Variants in SPHKAP observed in about 807,000 individuals in gnomAD.
SPHKAP encodes the protein A-kinase anchor protein SPHKAP.
In SPHKAP, 67 loss-of-function variants were observed where a neutral mutation model predicts 137.5. That is an observed-to-expected ratio of 0.49 (90% CI 0.40 to 0.60). The LOEUF (loss-of-function observed/expected upper bound fraction) is 0.60, where lower values mean the gene tolerates loss of function less well. Ranked by LOEUF, SPHKAP falls within the 20% of genes least tolerant of loss-of-function variation. SPHKAP has a pLI of 0.00. For synonymous variants in SPHKAP, 813 were observed against 785.3 expected (o/e 1.04, Z -0.59); for missense variants, 2,097 against 2,069.3 (o/e 1.01, Z -0.26).
At chr2:228,149,285 T>A (rs1187744099) in intron 1 of SPHKAP, among the ~76,000 whole-genome samples, 1 of 152,210 alleles carries the variant, frequency 6.6e-6, no homozygotes, top group African/African-American at 2.4e-5. Context: ...ATCATGCAGA[T>A]CAATAGGATA....
At chr2:228,032,255 T>C (rs1226293196) in intron 3 of SPHKAP, among the ~76,000 whole-genome samples, 1 of 152,074 alleles carries the variant, frequency 6.6e-6, no homozygotes. Context: ...AAGGAGCTGA[T>C]GCGATCAACT....
Position 227,995,710 on chromosome 2 carries a change from T to A in SPHKAP, c.4449-16A>T. 6.4e-7 allele frequency: 1 copy of A among 1,551,946 alleles called. No individual in the cohort carries two copies. ...AAGGCTGTCACTGTAGAGGGCAAGA[T>A]ATTATTACCAAGAGAGGCAGCACAC... On this transcript the variant is annotated splice_polypyrimidine_tract_variant and intron_variant, in intron 7 of 11. Coordinates refer to ENST00000392056, the MANE Select transcript of SPHKAP (RefSeq NM_001142644.2).
At chr2:228,070,308 G>T (rs1475905222) in intron 3 of SPHKAP, among the ~76,000 whole-genome samples, 1 of 152,164 alleles carries the variant, frequency 6.6e-6, no homozygotes, top group Non-Finnish European at 1.5e-5. Flanking sequence ...GGAGGAAGAG[G>T]AAGTGTTGGT....
intron 3 of SPHKAP, among the ~76,000 whole-genome samples, chr2:228,062,778 C>A (rs1696698096): frequency 6.6e-6 from 1 of 152,008 alleles, no homozygotes; most frequent in Non-Finnish European, 1.5e-5. Context: ...AAGAACCATA[C>A]AGGTATAAAG....
chr2:228,166,174 G>A (rs1700417895), intron 1 of SPHKAP, among the ~76,000 whole-genome samples: 1 of 152,078 alleles, frequency 6.6e-6, no homozygotes, highest in East Asian at 1.9e-4. Context: ...TTTATGAGGT[G>A]TTTATGATCT....
intron 2 of SPHKAP, among the ~76,000 whole-genome samples, chr2:228,123,688 G>A (rs1422427627): frequency 6.6e-6 from 1 of 152,120 alleles, no homozygotes; most frequent in African/African-American, 2.4e-5. Flanking sequence ...TAGGTTGCCT[G>A]TTCACTCTGA....
Position 228,151,715 on chromosome 2 carries a change from G to T in SPHKAP, c.33-19630C>A, listed in dbSNP as rs141321592. Among the ~76,000 whole-genome samples the T allele has an allele frequency of 9.7e-3, 1,476 of 152,116 alleles. 14 individuals are homozygous for T. The highest frequency in any genetic ancestry group is 0.034 in the African/African-American group (1,404 of 41,528). ...GTGATGGGATCTCATTCTGTTGCAAGGCTGGTTATTTTTTCTTGTATTAAT... is the reference window on the plus strand; with the variant it reads ...GTGATGGGATCTCATTCTGTTGCAATGCTGGTTATTTTTTCTTGTATTAAT... On this transcript the variant is annotated intron_variant, in intron 1 of 11. Transcript: ENST00000392056.
intron 1 of SPHKAP, among the ~76,000 whole-genome samples, chr2:228,148,394 TAC>T (rs956841796): frequency 6.6e-6 from 1 of 152,162 alleles, no homozygotes; most frequent in Non-Finnish European, 1.5e-5. Context: ...CCTAATTCCT[TAC>T]AGTCATCTAA....
intron 3 of SPHKAP, among the ~76,000 whole-genome samples, chr2:228,044,570 G>T (rs1255831852): frequency 6.6e-6 from 1 of 152,068 alleles, no homozygotes; most frequent in Non-Finnish European, 1.5e-5. Flanking sequence ...GTGTTGAGAG[G>T]TAACTCACTT....
chr2:227,993,457 C>A, intron 9 of SPHKAP, 77 bp downstream of exon 9: 1 of 1,351,642 alleles, frequency 7.4e-7, no homozygotes, highest in Non-Finnish European at 1.0e-6. Context: ...TTGGGCACAA[C>A]CTGAATGATC....
chr2:228,011,948 T>C (rs575603688), intron 7 of SPHKAP, among the ~76,000 whole-genome samples: 1 of 152,128 alleles, frequency 6.6e-6, no homozygotes, highest in African/African-American at 2.4e-5. Flanking sequence ...GCAGGATCAC[T>C]TGAGCCCAGG....
At chr2:228,109,013 T>C (rs1416667651) in intron 2 of SPHKAP, 74 bp from the exon 3 acceptor site, 1 of 1,026,614 alleles carries the variant, frequency 9.7e-7, no homozygotes, top group Non-Finnish European at 1.4e-6. Flanking sequence ...CTCTCTTTTT[T>C]TTTTTTCTTA....
intron 3 of SPHKAP, among the ~76,000 whole-genome samples, chr2:228,067,074 T>C (rs933147283): frequency 2.0e-5 from 3 of 152,208 alleles, no homozygotes; most frequent in Non-Finnish European, 4.4e-5. Context: ...ATCCCAAGAA[T>C]ATATGTTGAA....
intron 3 of SPHKAP, among the ~76,000 whole-genome samples, 194 bp downstream of exon 3, chr2:228,108,638 G>T (rs1364621418): frequency 6.6e-6 from 1 of 152,108 alleles, no homozygotes; most frequent in Non-Finnish European, 1.5e-5. Flanking sequence ...GTTAAAATGA[G>T]CAAAATGGGG....
chr2:228,063,211 TTTAC>T (rs1487238794), intron 3 of SPHKAP, among the ~76,000 whole-genome samples: 46 of 127,164 alleles, frequency 3.6e-4, no homozygotes, highest in East Asian at 1.4e-3. Flanking sequence ...TATCTATCTA[TTTAC>T]CTGTCTATCT....
At chr2:228,133,663 C>A (rs1383869332) in intron 1 of SPHKAP, among the ~76,000 whole-genome samples, 1 of 152,136 alleles carries the variant, frequency 6.6e-6, no homozygotes, top group Admixed American at 6.5e-5. Context: ...GATGGTTTCT[C>A]TTAAAACAAG....
intron 3 of SPHKAP, among the ~76,000 whole-genome samples, chr2:228,105,825 C>T (rs769903643): frequency 6.6e-6 from 1 of 152,280 alleles, no homozygotes; most frequent in East Asian, 1.9e-4. Context: ...GAGGCCTCCC[C>T]AGCCACGTGG....
chr2:228,151,679 A>G (rs545714819), intron 1 of SPHKAP, among the ~76,000 whole-genome samples: 171 of 152,158 alleles, frequency 1.1e-3, no homozygotes, highest in African/African-American at 3.9e-3. Context: ...GTTTAAAAAA[A>G]TTTTTTTGTA....
chr2:228,070,818 C>T (rs1024875790), intron 3 of SPHKAP, among the ~76,000 whole-genome samples: 21 of 152,206 alleles, frequency 1.4e-4, no homozygotes, highest in Admixed American at 1.0e-3. Flanking sequence ...TCCTTTCCAT[C>T]GCATACCGTG....
Sources: allele counts gnomAD v4.1 joint callset (sites outside exome capture counted in the v4.1 genomes callset), GRCh38; gene constraint gnomAD v4.1.1; transcripts MANE v1.5; gene names NCBI Gene and HGNC (gene_info 2026-07-23, HGNC 2026-07-21).